Variants in NCKAP5 observed in about 807,000 individuals in gnomAD.
NCKAP5 encodes NCK associated protein 5.
In NCKAP5, 92 loss-of-function variants were observed where a neutral mutation model predicts 167.0. The observed-to-expected ratio is 0.55, with a 90% CI of 0.47 to 0.66. The LOEUF is 0.66. NCKAP5 is among the 30% of genes least tolerant of loss of function. NCKAP5 has a pLI of 0.00. For missense variants in NCKAP5, 2,378 were observed against 2,315.0 expected (o/e 1.03, Z -0.56); for synonymous variants, 891 against 877.4 (o/e 1.02, Z -0.27).
chr2:133,279,280 C>A (rs2150454056), intron 4 of NCKAP5, among the ~76,000 whole-genome samples: 1 of 152,276 alleles, frequency 6.6e-6, no homozygotes, highest in East Asian at 1.9e-4. Flanking sequence ...CACTATATAT[C>A]CATTTGTATC....
Position 133,517,634 on chromosome 2 carries a change from A to G in NCKAP5, c.-61-47T>C, listed in dbSNP as rs530648572. The G allele has an allele frequency of 1.7e-5, 10 of 606,030 alleles. No individual in the cohort carries two copies. The Admixed American group carries it at 3.5e-4, about 21-fold the overall frequency. The allele number at this position is 606,030 out of a possible 1,614,324, so 37.5% of individuals were successfully genotyped here. A position where few individuals can be genotyped will look rare whatever the true frequency, so the allele number is the denominator to read the frequency against. ...TTTACTATCCAAGTACACAGTGTTT[A>G]GACCTTTGTTTTTAACTCTCTAACC... On this transcript the variant is annotated intron_variant, in intron 2 of 19. Coordinates refer to ENST00000409261, the MANE Select transcript of NCKAP5 (RefSeq NM_207363.3).
chr2:132,848,036 G>A (rs764292975), intron 11 of NCKAP5, among the ~76,000 whole-genome samples: 37 of 152,128 alleles, frequency 2.4e-4, no homozygotes, highest in Non-Finnish European at 4.6e-4. Context: ...GATTCATTAG[G>A]AACCTGCTTT....
chr2:133,152,934 T>C (rs145792980), intron 5 of NCKAP5, among the ~76,000 whole-genome samples: 2 of 152,300 alleles, frequency 1.3e-5, no homozygotes, highest in South Asian at 2.1e-4. Context: ...CCTAGGTGTA[T>C]AGTGGAGTAG....
At chr2:132,990,621 T>TC (rs143791054) in intron 7 of NCKAP5, among the ~76,000 whole-genome samples, 1,818 of 152,124 alleles carry the variant, frequency 0.012, 34 homozygotes, top group African/African-American at 0.041. Context: ...CATCACAGGG[T>TC]CCTTATAAGA....
chr2:133,008,124 G>A (rs1305121867), intron 6 of NCKAP5, among the ~76,000 whole-genome samples: 2 of 152,098 alleles, frequency 1.3e-5, no homozygotes, highest in African/African-American at 4.8e-5. Context: ...AGGTGACTCA[G>A]GGCCGAAATT....
Position 132,849,317 on chromosome 2 carries a change from A to C in NCKAP5, c.807+11175T>G, listed in dbSNP as rs190420409. 2.6e-5 allele frequency among the ~76,000 whole-genome samples: 4 copies of C among 152,278 alleles called. No homozygotes were observed. In the East Asian group the frequency reaches 7.7e-4, roughly 29 times the overall value. Reference sequence around the variant, plus strand: ...GGCATTTCCAACTCCTGCTTATCTCAGACACTATTCTTGCTGAAACATTCA... The same window carrying C: ...GGCATTTCCAACTCCTGCTTATCTCCGACACTATTCTTGCTGAAACATTCA... On this transcript the variant is annotated intron_variant, in intron 11 of 19. Coordinates refer to ENST00000409261, the MANE Select transcript of NCKAP5 (RefSeq NM_207363.3).
At chr2:133,615,128 C>G in the NCKAP5 span, among the ~76,000 whole-genome samples, 1 of 151,648 alleles carries the variant, frequency 6.6e-6, no homozygotes, top group African/African-American at 2.4e-5. Flanking sequence ...CAGGCCTGCC[C>G]TAAAAGAGCT....
intron 4 of NCKAP5, among the ~76,000 whole-genome samples, chr2:133,238,101 A>G (rs1239127146): frequency 6.6e-6 from 1 of 152,210 alleles, no homozygotes; most frequent in Non-Finnish European, 1.5e-5. Flanking sequence ...AGGTTAACTC[A>G]CTTAGTCAAG....
At chr2:133,174,506 A>C (rs2084374639) in intron 5 of NCKAP5, among the ~76,000 whole-genome samples, 1 of 152,146 alleles carries the variant, frequency 6.6e-6, no homozygotes, top group South Asian at 2.1e-4. Flanking sequence ...TATGGACTCA[A>C]GGAAATTTAT....
intron 4 of NCKAP5, among the ~76,000 whole-genome samples, chr2:133,260,259 C>T (rs2088834683): frequency 6.6e-6 from 1 of 152,106 alleles, no homozygotes; most frequent in African/African-American, 2.4e-5. Context: ...ATGGTAGGCA[C>T]CTAATAACCA....
chr2:132,855,973 GC>G (rs1477033253), intron 11 of NCKAP5, among the ~76,000 whole-genome samples: 4 of 152,092 alleles, frequency 2.6e-5, no homozygotes, highest in Non-Finnish European at 4.4e-5. Context: ...GACCATCCTG[GC>G]TAACACAGTG....
At chr2:132,889,329 A>G (rs1176472355) in intron 8 of NCKAP5, among the ~76,000 whole-genome samples, 1 of 152,236 alleles carries the variant, frequency 6.6e-6, no homozygotes, top group Non-Finnish European at 1.5e-5. Context: ...ATAGCAATAA[A>G]TAAGTGGAAC....
chr2:133,307,021 G>GA (rs1680828327), intron 3 of NCKAP5, among the ~76,000 whole-genome samples: 2 of 152,266 alleles, frequency 1.3e-5, no homozygotes, highest in Admixed American at 1.3e-4. Flanking sequence ...ACATATCTAT[G>GA]AAAAATATCA....
intron 3 of NCKAP5, among the ~76,000 whole-genome samples, chr2:133,438,814 G>A (rs542632870): frequency 1.3e-5 from 2 of 152,216 alleles, no homozygotes; most frequent in East Asian, 1.9e-4. Flanking sequence ...ATTATATTTT[G>A]TTCTATCCTA....
intron 8 of NCKAP5, among the ~76,000 whole-genome samples, chr2:132,933,157 C>T (rs747327253): frequency 1.3e-5 from 2 of 152,076 alleles, no homozygotes; most frequent in Non-Finnish European, 2.9e-5. Flanking sequence ...GATCTTCTGA[C>T]CTCATGATCT....
intron 11 of NCKAP5, among the ~76,000 whole-genome samples, chr2:132,813,995 A>G (rs1234420969): frequency 5.3e-5 from 8 of 152,202 alleles, no homozygotes; most frequent in African/African-American, 1.9e-4. Context: ...ATGTGCACTC[A>G]TCTGCATTTT....
intron 16 of NCKAP5, among the ~76,000 whole-genome samples, chr2:132,772,362 T>C (rs757876831): frequency 1.2e-4 from 19 of 152,166 alleles, no homozygotes; most frequent in South Asian, 2.1e-4. Flanking sequence ...TTAATTTAAA[T>C]TGAAACAGCC....
chr2:133,518,272 G>A (rs1171942104), intron 2 of NCKAP5, among the ~76,000 whole-genome samples: 2 of 144,632 alleles, frequency 1.4e-5, no homozygotes, highest in Non-Finnish European at 3.0e-5. Flanking sequence ...CATCATATAT[G>A]TTAAGTGCCA....
At chr2:133,128,856 CCA>C (rs2082491693) in intron 6 of NCKAP5, among the ~76,000 whole-genome samples, 1 of 151,990 alleles carries the variant, frequency 6.6e-6, no homozygotes, top group African/African-American at 2.4e-5. Flanking sequence ...CCTTGGCCTT[CCA>C]AAGTCCTGGA....
Sources: gnomAD v4.1 joint callset for allele counts (sites outside exome capture counted in the v4.1 genomes callset) on GRCh38, gnomAD v4.1.1 for gene constraint, MANE v1.5 for transcripts, NCBI Gene and HGNC (gene_info 2026-07-23, HGNC 2026-07-21) for gene names.